The following OLFM4 variants were observed in gnomAD, a reference collection of about 807,000 sequenced individuals.
OLFM4 encodes olfactomedin 4, also known as olfactomedin-4.
In OLFM4, 22 loss-of-function variants were observed where a neutral mutation model predicts 25.5. That is an observed-to-expected ratio of 0.86 (90% CI 0.62 to 1.23). OLFM4 has a LOEUF of 1.23. Ranked by LOEUF, OLFM4 falls within the 50% of genes most tolerant of loss-of-function variation. The pLI, the probability that OLFM4 is intolerant of heterozygous loss-of-function variation, is 0.00. For synonymous variants in OLFM4, 255 were observed against 237.7 expected (o/e 1.07, Z -0.67); for missense variants, 594 against 619.4 (o/e 0.96, Z 0.44).
chr13:53,029,166 A>G, intron 1 of OLFM4, 126 bp downstream of exon 1: 1 of 1,361,270 alleles, frequency 7.3e-7, no homozygotes, highest in Non-Finnish European at 1.0e-6. Flanking sequence ...CATTTTGTTA[A>G]CTATAGGTGC....
chr13:53,043,097 T>C lies in OLFM4; in HGVS notation c.571-8T>C. ...ATATAAAGTCACTCTGAATTTTTAT[T>C]TCCTTAGATAAGAAATATGACTCTC... On this transcript the variant is annotated splice_polypyrimidine_tract_variant and splice_region_variant and intron_variant, in intron 3 of 4. Transcript: ENST00000219022. 1 of 1,575,420 alleles carries C rather than the reference T, an allele frequency of 6.3e-7. No homozygotes were observed. The highest frequency in any genetic ancestry group is 8.6e-7 in the Non-Finnish European group (1 of 1,164,778).
At chr13:53,040,486 G>A (rs188789433) in intron 2 of OLFM4, among the ~76,000 whole-genome samples, 30 of 152,274 alleles carry the variant, frequency 2.0e-4, no homozygotes, top group East Asian at 9.6e-4. Context: ...GAAGGAATTC[G>A]GCATAGCGCA....
chr13:53,041,828 C>T (rs995816272), intron 2 of OLFM4, 82 bp from the exon 3 acceptor site: 18 of 895,226 alleles, frequency 2.0e-5, no homozygotes, highest in Middle Eastern at 5.9e-4. Flanking sequence ...TCAAATAGTT[C>T]TCAACTCAAG....
chr13:53,039,862 A>G (rs911609680), intron 2 of OLFM4, among the ~76,000 whole-genome samples: 2 of 152,186 alleles, frequency 1.3e-5, no homozygotes, highest in African/African-American at 4.8e-5. Flanking sequence ...TTCGACTTTC[A>G]TTAAAATCCT....
At chr13:53,045,356 C>T (rs1954710647) in intron 4 of OLFM4, among the ~76,000 whole-genome samples, 1 of 152,118 alleles carries the variant, frequency 6.6e-6, no homozygotes, top group South Asian at 2.1e-4. Flanking sequence ...CTTGGCTGTA[C>T]CTGAATCCCT....
chr13:53,031,681 C>T (rs1168413337), intron 1 of OLFM4, among the ~76,000 whole-genome samples: 7 of 152,202 alleles, frequency 4.6e-5, no homozygotes, highest in Admixed American at 3.3e-4. Context: ...TGACAGTGGG[C>T]CTGATTCCTG....
intron 3 of OLFM4, among the ~76,000 whole-genome samples, chr13:53,042,616 T>A (rs1021717334): frequency 6.6e-6 from 1 of 152,214 alleles, no homozygotes; most frequent in African/African-American, 2.4e-5. Context: ...CCTTTTAAGA[T>A]CTGTGGATAA....
At chr13:53,036,513 T>C (rs1200275093) in intron 2 of OLFM4, among the ~76,000 whole-genome samples, 2 of 152,112 alleles carry the variant, frequency 1.3e-5, no homozygotes, top group African/African-American at 4.8e-5. Flanking sequence ...TTAATTCCAA[T>C]ACTGTACGGG....
chr13:53,047,702 T>C (rs1213643178), intron 4 of OLFM4, among the ~76,000 whole-genome samples: 2 of 152,206 alleles, frequency 1.3e-5, no homozygotes, highest in Non-Finnish European at 2.9e-5. Context: ...GTAGTAACAA[T>C]AGTAATAGTA....
chr13:53,041,736 C>T (rs966759064), intron 2 of OLFM4, among the ~76,000 whole-genome samples, 174 bp from the exon 3 acceptor site: 2 of 152,114 alleles, frequency 1.3e-5, no homozygotes, highest in African/African-American at 2.4e-5. Flanking sequence ...GTAATAAGTT[C>T]TTTGTATATG....
intron 1 of OLFM4, among the ~76,000 whole-genome samples, chr13:53,032,123 G>C (rs1385556439): frequency 6.6e-6 from 1 of 152,196 alleles, no homozygotes; most frequent in African/African-American, 2.4e-5. Flanking sequence ...AATAGAAACC[G>C]ATGGAATGGC....
At position 53,042,131 on chromosome 13, in the gene OLFM4, T is replaced by C. The variant is rs958257572; in HGVS notation, c.570+9T>C. 1.2e-6 allele frequency: 2 copies of C among 1,611,492 alleles called. No individual in the cohort carries two copies. Among genetic ancestry groups the C allele is most frequent in the Non-Finnish European group, 1.7e-6 (2 of 1,178,054 alleles). On this transcript the variant is annotated intron_variant, in intron 3 of 4. Transcript: ENST00000219022. ...ACCAGCTGGAGGTGGAGGTAAGGAG[T>C]GAACTCACTTCTTGGTAAATTAATA...
Position 53,028,968 on chromosome 13 carries a change from C to T in OLFM4, c.132C>T (p.Ser44=), listed in dbSNP as rs755162080. The change falls in exon 1 of 5, where the codon TCC becomes TCT. Residue 44 remains serine, a synonymous_variant. Coordinates refer to ENST00000219022, the MANE Select transcript of OLFM4 (RefSeq NM_006418.5). ...FSSFPGVDSS[S]SFSSSSRSGS... ...CTTTCCCAGGTGTTGACTCCAGCTC[C>T]AGCTTCAGCTCCAGCTCCAGGTCGG... The T allele has an allele frequency of 1.7e-5, 28 of 1,613,912 alleles. No homozygotes were observed. Among genetic ancestry groups the T allele is most frequent in the Non-Finnish European group, 2.3e-5 (27 of 1,179,790 alleles).
intron 2 of OLFM4, among the ~76,000 whole-genome samples, chr13:53,037,520 T>A (rs1954665226): frequency 6.6e-6 from 1 of 152,192 alleles, no homozygotes; most frequent in South Asian, 2.1e-4. Flanking sequence ...CTCTATTAAT[T>A]TCTATAATTC....
At chr13:53,037,388 G>T (rs1954664574) in intron 2 of OLFM4, among the ~76,000 whole-genome samples, 1 of 152,164 alleles carries the variant, frequency 6.6e-6, no homozygotes, top group Non-Finnish European at 1.5e-5. Flanking sequence ...GCACGGGAAG[G>T]TTGAGGCAGC....
Position 53,050,970 on chromosome 13 carries a change from G to C in OLFM4, c.*199G>C. ...TTGGGAATCATCTGCCTCTTCAGGC[G>C]CATTTTGCAATAAAGTCTGTCTAGG... On this transcript the variant is annotated 3_prime_UTR_variant, in exon 5 of 5. Transcript: ENST00000219022. 1 of 548,422 alleles carries C rather than the reference G, an allele frequency of 1.8e-6. No individual in the cohort carries two copies. Among genetic ancestry groups the C allele is most frequent in the South Asian group, 3.0e-5 (1 of 33,474 alleles). 34.0% of individuals were successfully genotyped at this position (548,422 alleles called of 1,614,324 possible). A position where few individuals can be genotyped will look rare whatever the true frequency, so the allele number is the denominator to read the frequency against.
At chr13:53,032,450 A>G (rs552306629) in intron 1 of OLFM4, among the ~76,000 whole-genome samples, 26 of 152,208 alleles carry the variant, frequency 1.7e-4, no homozygotes, top group African/African-American at 6.0e-4. Context: ...GAGTCTTTCT[A>G]TCTTTGGAGA....
Position 53,050,531 on chromosome 13 carries a change from T to G in OLFM4, c.1293T>G (p.Ser431=), listed in dbSNP as rs779414390. The G allele has an allele frequency of 6.2e-6, 10 of 1,613,954 alleles. No homozygotes were observed. Among genetic ancestry groups the G allele is most frequent in the Non-Finnish European group, 8.5e-6 (10 of 1,179,972 alleles). ...CCAAGCAGTATAAACCATCTGCTTC[T>G]AACGCCTTCATGGTATGTGGGGTTC... ...WYTKQYKPSA[S]NAFMVCGVLY... is the part of the protein sequence containing the mutation. The change falls in exon 5 of 5, where the codon TCT becomes TCG. Residue 431 remains serine (S), a synonymous_variant. Coordinates refer to ENST00000219022, the MANE Select transcript of OLFM4 (RefSeq NM_006418.5).
chr13:53,028,923 T>C lies in OLFM4; in HGVS notation c.87T>C (p.Ile29=). Residue 29 remains isoleucine (I), a synonymous_variant, in exon 1 of 5, where the codon ATT becomes ATC. Coordinates refer to ENST00000219022, the MANE Select transcript of OLFM4 (RefSeq NM_006418.5). ...AGDLGDVGPP[I]PSPGFSSFPG... ...ATTTGGGGGATGTGGGACCTCCAAT[T>C]CCCAGCCCCGGCTTCAGCTCTTTCC... The C allele has an allele frequency of 6.2e-7, 1 of 1,614,192 alleles. No homozygotes were observed. The highest frequency in any genetic ancestry group is 8.5e-7 in the Non-Finnish European group (1 of 1,180,042).
Sources: allele counts gnomAD v4.1 joint callset (sites outside exome capture counted in the v4.1 genomes callset), GRCh38; gene constraint gnomAD v4.1.1; transcripts MANE v1.5; gene names NCBI Gene and HGNC (gene_info 2026-07-23, HGNC 2026-07-21).